CD163L1: variants seen among roughly 807,000 people sequenced by gnomAD.
CD163L1 encodes CD163 molecule like 1.
Under a neutral mutation model 165.4 loss-of-function variants are expected in CD163L1, and 124 were observed. The ratio of observed to expected loss-of-function variants is 0.75; its 90% CI spans 0.65 to 0.87. The LOEUF is 0.87. Among genes scored for constraint, CD163L1 ranks in the 40% least tolerant of loss-of-function variants. The pLI, the probability that CD163L1 is intolerant of heterozygous loss-of-function variation, is 0.00. For synonymous variants in CD163L1, 585 were observed against 662.2 expected (o/e 0.88, Z 1.79); for missense variants, 1,525 against 1,799.9 (o/e 0.85, Z 2.76).
chr12:7,398,685 C>T lies in CD163L1; in HGVS notation c.1409-101G>A. The T allele has an allele frequency of 1.0e-6, 1 of 974,188 alleles. No individual in the cohort carries two copies. Among genetic ancestry groups the T allele is most frequent in the South Asian group, 2.5e-5 (1 of 40,758 alleles). 60.3% of individuals were successfully genotyped at this position (974,188 alleles called of 1,614,324 possible). Reference sequence around the variant, plus strand: ...TTCACGACTATAAGGCTTTGCCTAACAGGTGATATATTAGGCACACTTTTG... The same window carrying T: ...TTCACGACTATAAGGCTTTGCCTAATAGGTGATATATTAGGCACACTTTTG... On this transcript the variant is annotated intron_variant, in intron 6 of 19. Transcript: ENST00000313599. The surrounding 1 kb of genome is among the most constrained non-coding windows in gnomAD (Gnocchi z 4.5).
chr12:7,328,089 A>G, the CD163L1 span, among the ~76,000 whole-genome samples: 2 of 152,202 alleles, frequency 1.3e-5, no homozygotes, highest in Non-Finnish European at 2.9e-5. Flanking sequence ...TTTGCACTAA[A>G]AACCCGTAAG....
Position 7,437,529 on chromosome 12 carries a change from C to T in CD163L1, c.124+3625G>A, listed in dbSNP as rs182389302. ...GGCCCTGATGTGTGATGTTCCCCAC[C>T]CTGTGTCCAAGTGATCTCATTGTTC... is the stretch of plus-strand genomic sequence containing the variant. On this transcript the variant is annotated intron_variant, in intron 2 of 19. Coordinates refer to ENST00000313599, the MANE Select transcript of CD163L1 (RefSeq NM_174941.6). 5.0e-3 allele frequency among the ~76,000 whole-genome samples: 754 copies of T among 151,886 alleles called. 7 individuals carry two copies. The highest frequency in any genetic ancestry group is 5.8e-3 in the Non-Finnish European group (392 of 67,952).
intron 8 of CD163L1, among the ~76,000 whole-genome samples, chr12:7,386,301 A>T (rs1947513956): frequency 6.6e-6 from 1 of 152,202 alleles, no homozygotes; most frequent in African/African-American, 2.4e-5. Flanking sequence ...ATCAATCATG[A>T]GTAATTAGAT....
Position 7,375,935 on chromosome 12 carries a change from G to A in CD163L1, c.2451C>T (p.Arg817=). The change falls in exon 10 of 20, where the codon CGC becomes CGT. Residue 817 remains arginine (R), a synonymous_variant. Coordinates refer to ENST00000313599, the MANE Select transcript of CD163L1 (RefSeq NM_174941.6). ...RVEVKHADTW[R]SVCDSDFSLH... ...GAGAGAAATCAGAATCACAGACAGA[G>A]CGCCATGTGTCTGCATGTTTCACTT... The A allele has an allele frequency of 3.1e-6, 5 of 1,614,210 alleles. No individual in the cohort carries two copies. The South Asian group carries it at 5.5e-5, about 18-fold the overall frequency.
chr12:7,381,747 T>C (rs1356508090), intron 8 of CD163L1, among the ~76,000 whole-genome samples: 1 of 152,018 alleles, frequency 6.6e-6, no homozygotes, highest in Non-Finnish European at 1.5e-5. Flanking sequence ...GGAATCTCTA[T>C]CAAAATTGAG....
chr12:7,440,487 A>G (rs1948815574), intron 2 of CD163L1, among the ~76,000 whole-genome samples: 1 of 151,874 alleles, frequency 6.6e-6, no homozygotes, highest in African/African-American at 2.4e-5. Flanking sequence ...TGTGTAACAC[A>G]TATATATTTT....
At chr12:7,335,405 T>C in the CD163L1 span, among the ~76,000 whole-genome samples, 2 of 152,196 alleles carry the variant, frequency 1.3e-5, no homozygotes, top group East Asian at 3.8e-4. Context: ...GATTCCCTAT[T>C]TAATAAATGG....
intron 8 of CD163L1, among the ~76,000 whole-genome samples, chr12:7,382,436 T>C (rs1292629397): frequency 6.6e-6 from 1 of 152,042 alleles, no homozygotes; most frequent in African/African-American, 2.4e-5. Context: ...AGGGAAGTGA[T>C]AGGGAACAGA....
At chr12:7,362,590 T>C (rs1192466970) in intron 18 of CD163L1, among the ~76,000 whole-genome samples, 1 of 144,434 alleles carries the variant, frequency 6.9e-6, no homozygotes, top group Non-Finnish European at 1.5e-5. Context: ...CATATTAATA[T>C]AATATAAATT....
chr12:7,418,799 A>C (rs938868442), intron 4 of CD163L1, among the ~76,000 whole-genome samples: 3 of 152,110 alleles, frequency 2.0e-5, no homozygotes, highest in African/African-American at 7.2e-5. Flanking sequence ...AAATTTCTGG[A>C]AATATACAAT....
chr12:7,354,685 A>C (rs918031159), downstream of CD163L1, among the ~76,000 whole-genome samples: 1 of 152,142 alleles, frequency 6.6e-6, no homozygotes, highest in Non-Finnish European at 1.5e-5. Context: ...TAAACCTGAG[A>C]TCAGGGTGCC....
At chr12:7,334,552 C>T in the CD163L1 span, among the ~76,000 whole-genome samples, 1 of 152,168 alleles carries the variant, frequency 6.6e-6, no homozygotes, top group East Asian at 1.9e-4. Context: ...TGGGCAAAAA[C>T]CGGAAGCATT....
intron 18 of CD163L1, among the ~76,000 whole-genome samples, chr12:7,364,763 A>C (rs1428115172): frequency 6.6e-6 from 1 of 152,134 alleles, no homozygotes; most frequent in Non-Finnish European, 1.5e-5. Context: ...GAAAACTATA[A>C]AACACTGATG....
At chr12:7,322,673 A>C in the CD163L1 span, 14 of 1,164,136 alleles carry the variant, frequency 1.2e-5, no homozygotes, top group African/African-American at 3.1e-5. Context: ...TCACCTTGCC[A>C]GTAGTTACCA....
At chr12:7,383,789 C>T (rs1947460535) in intron 8 of CD163L1, among the ~76,000 whole-genome samples, 1 of 152,198 alleles carries the variant, frequency 6.6e-6, no homozygotes, top group South Asian at 2.1e-4. Context: ...ACCCAACCAA[C>T]ACTATAGCTA....
intron 11 of CD163L1, 43 bp downstream of exon 11, chr12:7,375,238 G>T: frequency 6.3e-7 from 1 of 1,584,344 alleles, no homozygotes; most frequent in South Asian, 1.1e-5. Flanking sequence ...TACCATGTCT[G>T]GGCTATATTG....
chr12:7,393,532 T>C (rs900159973), intron 8 of CD163L1, among the ~76,000 whole-genome samples: 1 of 152,154 alleles, frequency 6.6e-6, no homozygotes, highest in African/African-American at 2.4e-5. Context: ...ATGCCCTCTC[T>C]TACCACTCCT....
chr12:7,349,604 C>T (rs959264317), intron 4 of CD163L1, among the ~76,000 whole-genome samples: 2 of 152,196 alleles, frequency 1.3e-5, no homozygotes, highest in Non-Finnish European at 2.9e-5. Flanking sequence ...TCATATCCTA[C>T]AATTGTCGTG....
intron 4 of CD163L1, among the ~76,000 whole-genome samples, chr12:7,427,906 T>C (rs1191512651): frequency 6.6e-6 from 1 of 152,140 alleles, no homozygotes; most frequent in Non-Finnish European, 1.5e-5. Flanking sequence ...TACAATTATA[T>C]AATAAATTTC....
Sources: gnomAD v4.1 joint callset for allele counts (sites outside exome capture counted in the v4.1 genomes callset) on GRCh38, gnomAD v4.1.1 for gene constraint, Gnocchi (gnomAD v3.1) non-coding constraint, MANE v1.5 for transcripts, NCBI Gene and HGNC (gene_info 2026-07-23, HGNC 2026-07-21) for gene names.